The following VSX2 variants were observed in gnomAD, a reference collection of about 807,000 sequenced individuals.
VSX2 encodes the protein ceh-10 homeo domain containing homolog.
Under a neutral mutation model 32.1 loss-of-function variants are expected in VSX2, and 28 were observed. The ratio of observed to expected loss-of-function variants is 0.87; its 90% CI spans 0.65 to 1.20. VSX2 has a LOEUF of 1.20. VSX2 is among the 50% of genes most tolerant of loss of function. The pLI, the probability that VSX2 is intolerant of heterozygous loss-of-function variation, is 0.00. For synonymous variants in VSX2, 243 were observed against 214.1 expected, an observed-to-expected ratio of 1.14 and a Z score of -1.18; for missense variants, 506 against 488.7, an observed-to-expected ratio of 1.04 and a Z score of -0.33.
chr14:74,240,344 C>A (rs2079141006), intron 1 of VSX2, among the ~76,000 whole-genome samples: 1 of 152,214 alleles, frequency 6.6e-6, no homozygotes, highest in South Asian at 2.1e-4. Context: ...GCTGTTCCGG[C>A]TCCGGCCCCA....
chr14:74,241,523 G>C (rs182581867), intron 2 of VSX2, among the ~76,000 whole-genome samples: 1 of 152,336 alleles, frequency 6.6e-6, no homozygotes, highest in African/African-American at 2.4e-5. Context: ...GAAAGGAAAG[G>C]CTCCAACACA....
At chr14:74,250,938 C>T (rs999573050) in intron 3 of VSX2, among the ~76,000 whole-genome samples, 11 of 151,690 alleles carry the variant, frequency 7.3e-5, no homozygotes, top group East Asian at 3.9e-4. Context: ...TGAGCCACCG[C>T]GCCAAACCCC....
At chr14:74,246,834 G>A (rs1350956038) in intron 3 of VSX2, among the ~76,000 whole-genome samples, 1 of 152,154 alleles carries the variant, frequency 6.6e-6, no homozygotes, top group African/African-American at 2.4e-5. Context: ...ATTAGGTGGG[G>A]GAGGGTGGAT....
At chr14:74,255,071 T>C (rs1393603249) in intron 3 of VSX2, among the ~76,000 whole-genome samples, 1 of 152,114 alleles carries the variant, frequency 6.6e-6, no homozygotes, top group Non-Finnish European at 1.5e-5. Context: ...TGAACCACTA[T>C]GCCTGGCCTG....
rs1248331011 is a variant in VSX2 at position 74,262,448 on chromosome 14, GAC to G, written c.*1531_*1532del. 6.6e-6 allele frequency: 1 copy of G among 150,474 alleles called. No individual in the cohort carries two copies. The highest frequency in any genetic ancestry group is 1.5e-5 in the Non-Finnish European group (1 of 68,030). The allele number at this position is 150,474 out of a possible 1,614,324, so 9.3% of individuals were successfully genotyped here. The stretch of plus-strand genomic sequence containing the variant: ...AATACCTCGTTAGAGAATGGCCTGA[GAC>G]AGTGCGTTGCAACTTTTTAATTCCA... On this transcript the variant is annotated 3_prime_UTR_variant, in exon 5 of 5. Transcript: ENST00000261980.
intron 2 of VSX2, among the ~76,000 whole-genome samples, 184 bp from the exon 3 acceptor site, chr14:74,244,981 T>TGAGA (rs60714663): frequency 8.0e-5 from 3 of 37,632 alleles, no homozygotes; most frequent in South Asian, 8.1e-4. Context: ...TGTGTGTGTG[T>TGAGA]GAGAGAGAGA....
In VSX2 at chr14:74,245,146, T is replaced by C; in HGVS notation, c.456-19T>C. ...TTTTAGTTTCTGGGGTCCTGAGTGTTCGGTCTTGCTCCCCTCAGGACAATC... is the reference window on the plus strand; with the variant it reads ...TTTTAGTTTCTGGGGTCCTGAGTGTCCGGTCTTGCTCCCCTCAGGACAATC... On this transcript the variant is annotated intron_variant, in intron 2 of 4. Transcript: ENST00000261980. 1 of 1,613,498 alleles carries C rather than the reference T, an allele frequency of 6.2e-7. No individual in the cohort carries two copies. Among genetic ancestry groups the C allele is most frequent in the Middle Eastern group, 1.7e-4 (1 of 6,056 alleles).
chr14:74,261,253 G>C lies in VSX2; in HGVS notation c.*334G>C, dbSNP rs2079306090. 2.8e-6 allele frequency: 1 copy of C among 357,206 alleles called. No individual in the cohort carries two copies. The highest frequency in any genetic ancestry group is 5.2e-5 in the South Asian group (1 of 19,178). The allele number at this position is 357,206 out of a possible 1,614,324, so 22.1% of individuals were successfully genotyped here. On this transcript the variant is annotated 3_prime_UTR_variant, in exon 5 of 5. Coordinates refer to ENST00000261980, the MANE Select transcript of VSX2 (RefSeq NM_182894.3). ...TTGCTCTCTGTTCTCTTGCTTTAAA[G>C]AGTCCTCCTTCCCAGCTCTACATTC...
chr14:74,243,771 A>G (rs1218761868), intron 2 of VSX2, among the ~76,000 whole-genome samples: 2 of 152,022 alleles, frequency 1.3e-5, no homozygotes, highest in Admixed American at 6.6e-5. Context: ...AAAGAGCACA[A>G]TCTTTCTTCC....
chr14:74,245,415 T>C (rs2079186189), intron 3 of VSX2, 127 bp downstream of exon 3: 3 of 1,339,712 alleles, frequency 2.2e-6, no homozygotes, highest in Admixed American at 3.9e-5. Flanking sequence ...CCTATGATCA[T>C]GTTCTCAGCC....
intron 3 of VSX2, among the ~76,000 whole-genome samples, chr14:74,258,650 T>C (rs945035870): frequency 1.2e-4 from 18 of 152,286 alleles, no homozygotes; most frequent in Non-Finnish European, 1.9e-4. Flanking sequence ...CTCCCGGCTC[T>C]GTCAGCTGCG....
chr14:74,259,459 A>T, intron 3 of VSX2, 143 bp from the exon 4 acceptor site: 1 of 858,926 alleles, frequency 1.2e-6, no homozygotes, highest in South Asian at 1.5e-5. Flanking sequence ...AGCCTGGAGG[A>T]ACACAGAGGG....
intron 3 of VSX2, among the ~76,000 whole-genome samples, chr14:74,257,357 C>G (rs990987513): frequency 1.3e-5 from 2 of 152,234 alleles, no homozygotes; most frequent in Non-Finnish European, 2.9e-5. Flanking sequence ...CTTCCCAGCC[C>G]CCCAGTTTTG....
intron 3 of VSX2, among the ~76,000 whole-genome samples, chr14:74,251,445 T>C (rs1450323740): frequency 6.6e-6 from 1 of 152,152 alleles, no homozygotes; most frequent in Admixed American, 6.5e-5. Context: ...AGCGAAACTC[T>C]GTCTCAAAAA....
intron 3 of VSX2, among the ~76,000 whole-genome samples, chr14:74,246,793 G>T (rs1292466591): frequency 1.3e-5 from 2 of 152,136 alleles, no homozygotes; most frequent in Non-Finnish European, 2.9e-5. Flanking sequence ...CTTGTCTCTT[G>T]CAGTGGGTTG....
chr14:74,256,260 G>A (rs1454463046), intron 3 of VSX2, among the ~76,000 whole-genome samples: 1 of 152,124 alleles, frequency 6.6e-6, no homozygotes, highest in Non-Finnish European at 1.5e-5. Context: ...GTGAAATCTC[G>A]TCCCTACTAA....
chr14:74,258,145 GC>G (rs1406513739), intron 3 of VSX2, among the ~76,000 whole-genome samples: 9 of 152,310 alleles, frequency 5.9e-5, no homozygotes, highest in Admixed American at 4.6e-4. Flanking sequence ...CCCCGGGGAA[GC>G]GGGGGCGCTC....
chr14:74,240,885 A>T (rs907891184), intron 1 of VSX2, among the ~76,000 whole-genome samples: 1 of 151,950 alleles, frequency 6.6e-6, no homozygotes, highest in Non-Finnish European at 1.5e-5. Context: ...GCTGCCGGGG[A>T]TCTCTGCGGC....
At chr14:74,251,671 T>C (rs558317412) in intron 3 of VSX2, among the ~76,000 whole-genome samples, 2 of 152,132 alleles carry the variant, frequency 1.3e-5, no homozygotes, top group African/African-American at 2.4e-5. Flanking sequence ...GGAATGTCAG[T>C]GCTCAGGCAA....
Sources: allele counts gnomAD v4.1 joint callset (sites outside exome capture counted in the v4.1 genomes callset), GRCh38; gene constraint gnomAD v4.1.1; transcripts MANE v1.5; gene names NCBI Gene and HGNC (gene_info 2026-07-23, HGNC 2026-07-21).